RNGTT: variants seen among roughly 807,000 people sequenced by gnomAD.
RNGTT encodes mRNA-capping enzyme.
RNGTT carries 33 observed loss-of-function variants against 79.3 expected under a neutral mutation model. The observed-to-expected ratio is 0.42, with a 90% CI of 0.32 to 0.56. RNGTT has a LOEUF of 0.56. Among genes scored for constraint, RNGTT ranks in the 20% least tolerant of loss-of-function variants. The pLI is 0.17. For synonymous variants in RNGTT, 222 were observed against 235.9 expected (o/e 0.94, Z 0.54); for missense variants, 497 against 739.1 (o/e 0.67, Z 3.80).
chr6:88,800,091 A>T (rs1178464242), intron 12 of RNGTT, among the ~76,000 whole-genome samples: 1 of 152,236 alleles, frequency 6.6e-6, no homozygotes. Flanking sequence ...GAAGACAGAC[A>T]GATGCCAATC....
intron 14 of RNGTT, among the ~76,000 whole-genome samples, chr6:88,644,655 T>C (rs1314336285): frequency 2.0e-5 from 3 of 152,208 alleles, no homozygotes; most frequent in Non-Finnish European, 4.4e-5. Context: ...TTATCCATCA[T>C]GATCAAGTGG....
At chr6:88,717,717 T>C (rs1189408708) in intron 13 of RNGTT, among the ~76,000 whole-genome samples, 2 of 152,018 alleles carry the variant, frequency 1.3e-5, no homozygotes, top group East Asian at 3.9e-4. Flanking sequence ...GCATGCCCTC[T>C]CTATCCAGGA....
At chr6:88,794,604 A>C (rs1269593096) in intron 12 of RNGTT, among the ~76,000 whole-genome samples, 1 of 152,198 alleles carries the variant, frequency 6.6e-6, no homozygotes, top group Non-Finnish European at 1.5e-5. Context: ...ATATAACCAC[A>C]GCCCATAGAT....
At chr6:88,667,992 G>A (rs73752994) in intron 14 of RNGTT, among the ~76,000 whole-genome samples, 3,243 of 152,158 alleles carry the variant, frequency 0.021, 98 homozygotes, top group African/African-American at 0.074. Context: ...CCCATATTAC[G>A]AGGACTTCCA....
At chr6:88,657,669 G>T (rs1342129741) in intron 14 of RNGTT, among the ~76,000 whole-genome samples, 4 of 152,138 alleles carry the variant, frequency 2.6e-5, no homozygotes, top group African/African-American at 9.7e-5. Context: ...CTTGGGTCAA[G>T]ATCTCAGTTC....
At chr6:88,907,448 CCT>C (rs762195756) in intron 4 of RNGTT, among the ~76,000 whole-genome samples, 18 of 151,500 alleles carry the variant, frequency 1.2e-4, no homozygotes, top group Non-Finnish European at 2.1e-4. Context: ...CTTCACATGC[CCT>C]CTCTCTTTTC....
chr6:88,751,691 CTG>C (rs1475330042), intron 13 of RNGTT, among the ~76,000 whole-genome samples: 1 of 151,936 alleles, frequency 6.6e-6, no homozygotes, highest in East Asian at 1.9e-4. Flanking sequence ...ATAAATACAA[CTG>C]TTAAATCTGT....
At chr6:88,807,970 T>C (rs1780014837) in intron 11 of RNGTT, among the ~76,000 whole-genome samples, 1 of 152,124 alleles carries the variant, frequency 6.6e-6, no homozygotes, top group African/African-American at 2.4e-5. Context: ...TATCTTTCAA[T>C]AATAAAGGCA....
chr6:88,922,283 T>G (rs1428489826), intron 4 of RNGTT, among the ~76,000 whole-genome samples: 1 of 152,028 alleles, frequency 6.6e-6, no homozygotes, highest in Non-Finnish European at 1.5e-5. Flanking sequence ...GAGTGTGATA[T>G]TTCAATACAT....
intron 11 of RNGTT, among the ~76,000 whole-genome samples, chr6:88,831,855 T>C (rs1329224751): frequency 6.6e-6 from 1 of 152,012 alleles, no homozygotes; most frequent in African/African-American, 2.4e-5. Flanking sequence ...ACAAAGAGAA[T>C]AAAATACCTA....
chr6:88,881,201 G>A (rs903151028), intron 8 of RNGTT, among the ~76,000 whole-genome samples: 3 of 152,136 alleles, frequency 2.0e-5, no homozygotes, highest in Non-Finnish European at 2.9e-5. Context: ...CAACAAAATT[G>A]AAGGACAATC....
chr6:88,743,126 CAAAT>C (rs933004495), intron 13 of RNGTT, among the ~76,000 whole-genome samples: 3 of 152,066 alleles, frequency 2.0e-5, no homozygotes, highest in Non-Finnish European at 4.4e-5. Context: ...ACTCTTCACT[CAAAT>C]AAAACACTGT....
chr6:88,640,583 A>G (rs1396143757), intron 14 of RNGTT, among the ~76,000 whole-genome samples: 1 of 150,932 alleles, frequency 6.6e-6, no homozygotes, highest in African/African-American at 2.5e-5. Flanking sequence ...AAAAAAGAGC[A>G]ACAAAAATAA....
At chr6:88,703,265 C>T (rs906541159) in intron 13 of RNGTT, among the ~76,000 whole-genome samples, 1 of 152,176 alleles carries the variant, frequency 6.6e-6, no homozygotes, top group Admixed American at 6.5e-5. Context: ...TTCACTGTGA[C>T]ACTATTCACA....
Position 88,879,246 on chromosome 6 carries a change from T to C in RNGTT, c.896+11249A>G, listed in dbSNP as rs891569521. Among the ~76,000 whole-genome samples, 4 of 151,832 alleles carry C rather than the reference T, an allele frequency of 2.6e-5. No homozygotes were observed. In the South Asian group the frequency reaches 8.3e-4, roughly 32 times the overall value. On this transcript the variant is annotated intron_variant, in intron 8 of 15. Coordinates refer to ENST00000369485, the MANE Select transcript of RNGTT (RefSeq NM_003800.5). ...CTGTCTCTACTAAAAATGCAAAAAATAGACAGGTGTGGTGGCATGCGCCTG... is the reference window on the plus strand; with the variant it reads ...CTGTCTCTACTAAAAATGCAAAAAACAGACAGGTGTGGTGGCATGCGCCTG...
chr6:88,821,635 T>G (rs1014046919), intron 11 of RNGTT, among the ~76,000 whole-genome samples: 24 of 151,888 alleles, frequency 1.6e-4, no homozygotes, highest in Admixed American at 8.5e-4. Flanking sequence ...ATAAAAGAAA[T>G]TAATATTTCT....
At chr6:88,813,224 T>TGCC (rs1447244764) in intron 11 of RNGTT, among the ~76,000 whole-genome samples, 2 of 152,184 alleles carry the variant, frequency 1.3e-5, no homozygotes, top group Admixed American at 1.3e-4. Context: ...AGAACGAACT[T>TGCC]GCCGGTGTCA....
chr6:88,936,543 T>C (rs1294190598), intron 2 of RNGTT, among the ~76,000 whole-genome samples: 1 of 152,206 alleles, frequency 6.6e-6, no homozygotes. Flanking sequence ...TGTTGAGTTA[T>C]GTTTCCTCTA....
chr6:88,785,489 AG>A (rs151017032), intron 12 of RNGTT, among the ~76,000 whole-genome samples: 8 of 152,126 alleles, frequency 5.3e-5, no homozygotes, highest in African/African-American at 1.9e-4. Context: ...AAGATGAACA[AG>A]GAAAAAAAAA....
Sources: gnomAD v4.1 joint callset for allele counts (sites outside exome capture counted in the v4.1 genomes callset) on GRCh38, gnomAD v4.1.1 for gene constraint, MANE v1.5 for transcripts, NCBI Gene and HGNC (gene_info 2026-07-23, HGNC 2026-07-21) for gene names.